Variants in GPBP1L1 observed in about 807,000 individuals in gnomAD.
GPBP1L1 encodes the protein GC-rich promoter binding protein 1 like 1.
A neutral mutation model predicts 52.5 loss-of-function variants in GPBP1L1; 23 were observed. That is an observed-to-expected ratio of 0.44 (90% CI 0.32 to 0.62). The LOEUF (loss-of-function observed/expected upper bound fraction) is 0.62, where lower values mean the gene tolerates loss of function less well. GPBP1L1 is among the 20% of genes least tolerant of loss of function. The pLI is 0.06. For missense variants in GPBP1L1, 596 were observed against 579.3 expected (o/e 1.03, Z -0.30); for synonymous variants, 243 against 203.1 (o/e 1.20, Z -1.67).
chr1:45,634,399 G>A, intron 8 of GPBP1L1, 163 bp from the exon 9 acceptor site: 8 of 592,472 alleles, frequency 1.4e-5, no homozygotes, highest in Non-Finnish European at 2.2e-5. Context: ...TCGGAGGTTA[G>A]GCACTTCAAG....
At chr1:45,662,190 C>G (rs896912749) in intron 2 of GPBP1L1, among the ~76,000 whole-genome samples, 3 of 152,172 alleles carry the variant, frequency 2.0e-5, no homozygotes, top group African/African-American at 7.2e-5. Flanking sequence ...AGTGCAGTGA[C>G]TTGATCGTAG....
chr1:45,627,324 T>C lies in GPBP1L1; in HGVS notation c.*932A>G, dbSNP rs1229191053. On this transcript the variant is annotated 3_prime_UTR_variant, in exon 13 of 13. Transcript: ENST00000355105. ...AAAACTTGGTTTCTGACTTTATTAC[T>C]GGTAATTTATTGCACAGGTTTTTCT... The C allele has an allele frequency of 6.6e-6, 1 of 152,474 alleles. No individual in the cohort carries two copies. The highest frequency in any genetic ancestry group is 2.1e-4 in the South Asian group (1 of 4,824). The allele number at this position is 152,474 out of a possible 1,614,324, so 9.4% of individuals were successfully genotyped here. A position where few individuals can be genotyped will look rare whatever the true frequency, so the allele number is the denominator to read the frequency against.
intron 6 of GPBP1L1, among the ~76,000 whole-genome samples, chr1:45,645,349 A>C (rs1644730400): frequency 6.6e-6 from 1 of 152,210 alleles, no homozygotes; most frequent in African/African-American, 2.4e-5. Context: ...ATTCAAACTG[A>C]GTACCCTTGT....
chr1:45,658,820 T>C (rs1323668270), intron 4 of GPBP1L1: 7 of 536,904 alleles, frequency 1.3e-5, no homozygotes, highest in East Asian at 3.1e-5. Context: ...ACACAGCCTG[T>C]AGGCCCAGCT....
chr1:45,687,968 T>C (rs1224085759), upstream of GPBP1L1: 1 of 152,238 alleles, frequency 6.6e-6, no homozygotes, highest in Non-Finnish European at 1.5e-5. Context: ...GTTTCAGTAC[T>C]TGCACTCTAC....
intron 2 of GPBP1L1, among the ~76,000 whole-genome samples, chr1:45,684,058 G>A (rs1645247424): frequency 6.6e-6 from 1 of 151,940 alleles, no homozygotes; most frequent in Non-Finnish European, 1.5e-5. Context: ...AGGAGTTCAA[G>A]ACCAGCCTGG....
chr1:45,664,448 TC>T (rs1644985095), intron 2 of GPBP1L1, among the ~76,000 whole-genome samples: 1 of 137,504 alleles, frequency 7.3e-6, no homozygotes, highest in African/African-American at 2.8e-5. Flanking sequence ...CGCATGTAGT[TC>T]CAGCTACTAC....
intron 8 of GPBP1L1, 40 bp downstream of exon 8, chr1:45,640,170 C>T: frequency 6.7e-7 from 1 of 1,484,844 alleles, no homozygotes; most frequent in Non-Finnish European, 9.2e-7. Flanking sequence ...ATTCCCAAAC[C>T]TCTCTTGTAT....
Position 45,628,216 on chromosome 1 carries a change from G to C in GPBP1L1, c.*40C>G, listed in dbSNP as rs970611427. On this transcript the variant is annotated 3_prime_UTR_variant, in exon 13 of 13. Transcript: ENST00000355105. ...CTTTTGTATACTCCCTAAACACACA[G>C]AGTTTACTGGGTCAGATTTAACTGT... The C allele has an allele frequency of 7.5e-6, 12 of 1,595,200 alleles. No individual in the cohort carries two copies. Among genetic ancestry groups the C allele is most frequent in the African/African-American group, 1.3e-5 (1 of 74,608 alleles).
At chr1:45,679,975 G>C (rs1343081511) in intron 2 of GPBP1L1, among the ~76,000 whole-genome samples, 1 of 150,556 alleles carries the variant, frequency 6.6e-6, no homozygotes, top group Non-Finnish European at 1.5e-5. Flanking sequence ...GGCCCAGGAT[G>C]AAGCTGAGGT....
chr1:45,655,598 T>C (rs1330243835), intron 4 of GPBP1L1: 1 of 249,724 alleles, frequency 4.0e-6, no homozygotes, highest in Non-Finnish European at 7.6e-6. Flanking sequence ...AAAAAAGCCT[T>C]GCAAATATTC....
intron 8 of GPBP1L1, chr1:45,635,468 A>G (rs1233202505): frequency 6.6e-6 from 1 of 152,250 alleles, no homozygotes; most frequent in Non-Finnish European, 1.5e-5. Flanking sequence ...TCCAGAGCAC[A>G]GAAACACTTG....
chr1:45,630,919 A>G (rs899473662), intron 10 of GPBP1L1, among the ~76,000 whole-genome samples: 1 of 152,250 alleles, frequency 6.6e-6, no homozygotes, highest in South Asian at 2.1e-4. Flanking sequence ...AACAGTGCTC[A>G]TAAGAGGTGT....
chr1:45,656,504 C>T (rs1472611341), intron 4 of GPBP1L1, among the ~76,000 whole-genome samples: 1 of 152,062 alleles, frequency 6.6e-6, no homozygotes, highest in African/African-American at 2.4e-5. Context: ...ACTTATGTTC[C>T]ATTTCAGGTT....
chr1:45,668,754 C>T (rs1645040298), intron 2 of GPBP1L1, among the ~76,000 whole-genome samples: 1 of 152,108 alleles, frequency 6.6e-6, no homozygotes, highest in African/African-American at 2.4e-5. Flanking sequence ...CGATGTAATG[C>T]CCTAAACTTG....
At chr1:45,658,921 GAC>G in intron 4 of GPBP1L1, 105 bp downstream of exon 4, 1 of 776,990 alleles carries the variant, frequency 1.3e-6, no homozygotes, top group Non-Finnish European at 2.3e-6. Flanking sequence ...CATCCTGGGT[GAC>G]AGAGGGAGAC....
intron 6 of GPBP1L1, chr1:45,646,107 G>C: frequency 2.3e-6 from 1 of 441,692 alleles, no homozygotes; most frequent in South Asian, 1.7e-5. Flanking sequence ...AATGACTTTG[G>C]AGCATGGCCT....
chr1:45,638,861 A>G (rs376417998), intron 8 of GPBP1L1, among the ~76,000 whole-genome samples: 3 of 152,210 alleles, frequency 2.0e-5, no homozygotes, highest in African/African-American at 7.2e-5. Context: ...CTTCCCGGGT[A>G]AGAGAAAAAA....
chr1:45,643,375 G>C (rs766128495), intron 6 of GPBP1L1, among the ~76,000 whole-genome samples: 3 of 152,090 alleles, frequency 2.0e-5, no homozygotes, highest in Non-Finnish European at 2.9e-5. Flanking sequence ...CAGGTAATGA[G>C]GATCCATCTT....
Sources: allele counts gnomAD v4.1 joint callset (sites outside exome capture counted in the v4.1 genomes callset), GRCh38; gene constraint gnomAD v4.1.1; transcripts MANE v1.5; gene names NCBI Gene and HGNC (gene_info 2026-07-23, HGNC 2026-07-21).